Variants in AGBL1 observed in about 807,000 individuals in gnomAD.
AGBL1 encodes the protein AGBL carboxypeptidase 1.
A neutral mutation model predicts 118.9 loss-of-function variants in AGBL1; 130 were observed. The ratio of observed to expected loss-of-function variants is 1.09; its 90% CI spans 0.95 to 1.26. The LOEUF (loss-of-function observed/expected upper bound fraction) is 1.26. Among genes scored for constraint, AGBL1 ranks in the 50% most tolerant of loss-of-function variants. The pLI, the probability that AGBL1 is intolerant of heterozygous loss-of-function variation, is 0.00. For synonymous variants in AGBL1, 555 were observed against 478.9 expected, an observed-to-expected ratio of 1.16 and a Z score of -2.08; for missense variants, 1,584 against 1,298.1, an observed-to-expected ratio of 1.22 and a Z score of -3.38.
intron 18 of AGBL1, among the ~76,000 whole-genome samples, chr15:86,462,510 C>A (rs1345332478): frequency 1.3e-5 from 2 of 152,048 alleles, no homozygotes; most frequent in East Asian, 3.9e-4. Context: ...TAGGTATACA[C>A]ATGCCATGGT....
At chr15:86,342,225 A>G (rs1427751414) in intron 17 of AGBL1, among the ~76,000 whole-genome samples, 2 of 152,176 alleles carry the variant, frequency 1.3e-5, no homozygotes, top group African/African-American at 4.8e-5. Context: ...CAGGATGAAC[A>G]TTTGGGAGAT....
intron 21 of AGBL1, among the ~76,000 whole-genome samples, chr15:86,602,140 C>G (rs181590847): frequency 6.6e-6 from 1 of 151,892 alleles, no homozygotes; most frequent in African/African-American, 2.4e-5. Flanking sequence ...TAAAATATCA[C>G]GACATTGGCA....
At chr15:86,931,904 T>C (rs1031480264) in intron 23 of AGBL1, among the ~76,000 whole-genome samples, 5 of 152,178 alleles carry the variant, frequency 3.3e-5, no homozygotes, top group Admixed American at 3.3e-4. Flanking sequence ...GGGGAAGACA[T>C]GCAAGCAGTA....
At chr15:86,854,419 C>T (rs1483899476) in intron 22 of AGBL1, among the ~76,000 whole-genome samples, 1 of 152,178 alleles carries the variant, frequency 6.6e-6, no homozygotes, top group Non-Finnish European at 1.5e-5. Context: ...TGGTATTTCT[C>T]TGGCTCCTTA....
At chr15:86,820,538 T>A (rs1474761521) in intron 22 of AGBL1, among the ~76,000 whole-genome samples, 1 of 152,138 alleles carries the variant, frequency 6.6e-6, no homozygotes, top group Admixed American at 6.5e-5. Context: ...CAAACACTTC[T>A]CAAAGGAAGA....
intron 19 of AGBL1, among the ~76,000 whole-genome samples, chr15:86,538,660 A>G (rs2083456202): frequency 6.6e-6 from 1 of 152,232 alleles, no homozygotes; most frequent in South Asian, 2.1e-4. Context: ...TCTAGGCTTC[A>G]GCCTTGCCTT....
chr15:86,775,323 G>T (rs2141295948), intron 22 of AGBL1, among the ~76,000 whole-genome samples: 1 of 152,244 alleles, frequency 6.6e-6, no homozygotes, highest in African/African-American at 2.4e-5. Flanking sequence ...GGGACACTAT[G>T]ACTGAATATA....
chr15:86,269,641 T>C (rs1015940566), intron 13 of AGBL1, among the ~76,000 whole-genome samples: 3 of 152,194 alleles, frequency 2.0e-5, no homozygotes, highest in African/African-American at 7.2e-5. Flanking sequence ...CATAAATAAA[T>C]ACAACTATTG....
chr15:86,770,068 G>A (rs1024800533), intron 22 of AGBL1, among the ~76,000 whole-genome samples: 3 of 151,910 alleles, frequency 2.0e-5, no homozygotes, highest in African/African-American at 7.2e-5. Context: ...ATTCTGCCCA[G>A]GTTGTTCCTT....
At chr15:86,616,681 G>T (rs2084731997) in intron 21 of AGBL1, among the ~76,000 whole-genome samples, 1 of 152,038 alleles carries the variant, frequency 6.6e-6, no homozygotes, top group Non-Finnish European at 1.5e-5. Flanking sequence ...GTTATACTTG[G>T]CTTCACTCAG....
At chr15:86,781,613 T>C (rs2078337678) in intron 22 of AGBL1, among the ~76,000 whole-genome samples, 1 of 152,192 alleles carries the variant, frequency 6.6e-6, no homozygotes. Flanking sequence ...CATACCTTTC[T>C]AGGACTAAAC....
At chr15:86,453,839 T>C (rs1210859495) in intron 18 of AGBL1, among the ~76,000 whole-genome samples, 1 of 152,174 alleles carries the variant, frequency 6.6e-6, no homozygotes, top group African/African-American at 2.4e-5. Context: ...TTTTGTTGTG[T>C]GTAGTATTTT....
intron 3 of AGBL1, among the ~76,000 whole-genome samples, chr15:86,148,644 C>A (rs1016248416): frequency 1.3e-5 from 2 of 152,158 alleles, no homozygotes; most frequent in Non-Finnish European, 2.9e-5. Context: ...ACCAAATCTA[C>A]ATTTGACTGG....
At chr15:86,982,796 A>C (rs955997290) in intron 23 of AGBL1, among the ~76,000 whole-genome samples, 2 of 152,140 alleles carry the variant, frequency 1.3e-5, no homozygotes, top group African/African-American at 4.8e-5. Flanking sequence ...TGTTTTTGCT[A>C]TTGGTAAGGC....
chr15:86,191,590 C>G (rs2077722381), intron 5 of AGBL1, among the ~76,000 whole-genome samples: 2 of 152,096 alleles, frequency 1.3e-5, no homozygotes, highest in South Asian at 2.1e-4. Flanking sequence ...AACAACTGGT[C>G]TTTCTGAATA....
chr15:86,879,722 A>C (rs1401866160), intron 22 of AGBL1, among the ~76,000 whole-genome samples: 1 of 152,158 alleles, frequency 6.6e-6, no homozygotes, highest in Non-Finnish European at 1.5e-5. Context: ...AGTGTTGCTC[A>C]TCTCTGCCAG....
intron 19 of AGBL1, among the ~76,000 whole-genome samples, chr15:86,534,247 G>C (rs552643199): frequency 2.6e-5 from 4 of 151,294 alleles, no homozygotes; most frequent in African/African-American, 9.8e-5. Context: ...AGGCCCATGT[G>C]AGCTTTGATA....
At chr15:86,720,512 G>T (rs536341441) in intron 22 of AGBL1, among the ~76,000 whole-genome samples, 1 of 152,108 alleles carries the variant, frequency 6.6e-6, no homozygotes, top group Non-Finnish European at 1.5e-5. Context: ...AATTTACTTC[G>T]CTGCCAATGG....
chr15:86,588,387 CA>C (rs1416722917), intron 21 of AGBL1, among the ~76,000 whole-genome samples: 3 of 152,184 alleles, frequency 2.0e-5, no homozygotes, highest in Non-Finnish European at 2.9e-5. Context: ...CTGTCCTAAA[CA>C]ACGAGATATG....
Sources: gnomAD v4.1 joint callset for allele counts (sites outside exome capture counted in the v4.1 genomes callset) on GRCh38, gnomAD v4.1.1 for gene constraint, MANE v1.5 for transcripts, NCBI Gene and HGNC (gene_info 2026-07-23, HGNC 2026-07-21) for gene names.